Variants in ZFHX3 observed in about 807,000 individuals in gnomAD.
ZFHX3 encodes zinc finger homeobox protein 3.
ZFHX3 carries 42 observed loss-of-function variants against 279.1 expected under a neutral mutation model. The ratio of observed to expected loss-of-function variants is 0.15; its 90% CI spans 0.12 to 0.19. ZFHX3 has a LOEUF of 0.19. Ranked by LOEUF, ZFHX3 falls within the 10% of genes least tolerant of loss-of-function variation. The pLI is 1.00. For synonymous variants in ZFHX3, 2,293 were observed against 1,957.8 expected (o/e 1.17, Z -4.52); for missense variants, 4,981 against 4,754.0 (o/e 1.05, Z -1.40).
At chr16:72,868,103 C>T (rs1037273038) in intron 4 of ZFHX3, among the ~76,000 whole-genome samples, 7 of 152,286 alleles carry the variant, frequency 4.6e-5, no homozygotes, top group Admixed American at 3.3e-4. Context: ...ATCAGCCAAA[C>T]GAGGCTGTCC....
chr16:73,037,089 GA>G (rs1372337109), intron 1 of ZFHX3, among the ~76,000 whole-genome samples: 1 of 152,074 alleles, frequency 6.6e-6, no homozygotes, highest in Non-Finnish European at 1.5e-5. Context: ...AAATACAAGA[GA>G]ACCCCAGATT....
Position 72,788,686 on chromosome 16 carries a change from T to A in ZFHX3, c.9590A>T (p.Gln3197Leu), listed in dbSNP as rs141461385. 4.9e-5 allele frequency: 79 copies of A among 1,609,722 alleles called. No homozygotes were observed. The highest frequency in any genetic ancestry group is 6.5e-5 in the Non-Finnish European group (76 of 1,177,926). ...TGGTTGCTGCTGCTGCTGCTGCTGC[T>A]GGGGGGGTTGCTGAGGGCCCATCGC... The part of the protein sequence containing the change: ...TMAMGPQQPP[Q>L]QQQQQQQPQV... Residue 3197 changes from glutamine (Q) to leucine (L), a missense_variant, in exon 10 of 10, where the codon CAG becomes CTG. Physicochemically the swap from Gln to Leu is moderately radical, Grantham distance 113. This residue lies in a region of ZFHX3 where 1,034 missense variants were observed against 786.0 expected (regional missense o/e 1.32). Coordinates refer to ENST00000268489, the MANE Select transcript of ZFHX3 (RefSeq NM_006885.4).
rs755584646 is a variant in ZFHX3 at position 72,787,548 on chromosome 16, G to A, written c.10728C>T (p.Ala3576=). 1.2e-6 allele frequency: 2 copies of A among 1,614,064 alleles called. No homozygotes were observed. Among genetic ancestry groups the A allele is most frequent in the Non-Finnish European group, 1.7e-6 (2 of 1,179,992 alleles). ...ATGCGGTGCTAGGATCGGGGAAGCA[G>A]GCAGAGTGAGGTAATAAACTAGGGT... ...KEHPSLLPHS[A]CFPDPSTAST... The change falls in exon 10 of 10, where the codon GCC becomes GCT. Residue 3576 remains alanine (A), a synonymous_variant. Transcript: ENST00000268489.
chr16:73,781,315 A>T (rs1597112651), intron 1 of ZFHX3, among the ~76,000 whole-genome samples: 1 of 152,236 alleles, frequency 6.6e-6, no homozygotes, highest in East Asian at 1.9e-4. Flanking sequence ...ATTGTGATTA[A>T]GCAGCTCGAT....
chr16:73,699,574 G>T (rs2053228555), intron 1 of ZFHX3, among the ~76,000 whole-genome samples: 1 of 152,140 alleles, frequency 6.6e-6, no homozygotes, highest in Non-Finnish European at 1.5e-5. Context: ...CTGTATTTAA[G>T]AAAACAAACA....
At chr16:73,443,738 C>G (rs1005837319) in intron 3 of ZFHX3, among the ~76,000 whole-genome samples, 8 of 152,016 alleles carry the variant, frequency 5.3e-5, no homozygotes, top group African/African-American at 1.7e-4. Flanking sequence ...ATATATTTAG[C>G]CAGTTAAGTT....
At chr16:73,789,578 T>G (rs541063801) in intron 1 of ZFHX3, among the ~76,000 whole-genome samples, 9 of 152,170 alleles carry the variant, frequency 5.9e-5, no homozygotes, top group Non-Finnish European at 1.3e-4. Context: ...CTAGAAGGAA[T>G]TGCAAATATT....
chr16:73,598,643 C>A (rs968529312), intron 2 of ZFHX3, among the ~76,000 whole-genome samples: 1 of 152,020 alleles, frequency 6.6e-6, no homozygotes, highest in Non-Finnish European at 1.5e-5. Context: ...TGGTCTCAAA[C>A]TCCTGAGCTC....
intron 1 of ZFHX3, among the ~76,000 whole-genome samples, chr16:73,877,200 G>GT (rs1307259667): frequency 1.6e-4 from 18 of 113,850 alleles, no homozygotes; most frequent in Admixed American, 2.8e-4. Flanking sequence ...GGGGGGTTAG[G>GT]TCGGGGGGGG....
chr16:73,511,177 G>C (rs1345401205), intron 2 of ZFHX3, among the ~76,000 whole-genome samples: 1 of 152,234 alleles, frequency 6.6e-6, no homozygotes, highest in Non-Finnish European at 1.5e-5. Context: ...AAAGAGCTCT[G>C]AGACTGATTT....
chr16:73,580,855 T>G (rs1383065494), intron 2 of ZFHX3, among the ~76,000 whole-genome samples: 3 of 151,906 alleles, frequency 2.0e-5, no homozygotes, highest in African/African-American at 7.3e-5. Context: ...TGTGTTCTTT[T>G]GACATGACCC....
At chr16:73,637,847 T>C (rs1298223016) in intron 2 of ZFHX3, among the ~76,000 whole-genome samples, 1 of 152,138 alleles carries the variant, frequency 6.6e-6, no homozygotes, top group Non-Finnish European at 1.5e-5. Context: ...AATCCCCCAC[T>C]AGAAAATAAG....
At position 73,430,772 on chromosome 16, in the gene ZFHX3, T is replaced by C. The variant is rs2017896065; in HGVS notation, c.-1291+25231A>G. Reference sequence around the variant, plus strand: ...AGGACAATGTCTGGCATGAAGTAAGTGGCCAGTGCATTGAACCAGGTGACA... The same window carrying C: ...AGGACAATGTCTGGCATGAAGTAAGCGGCCAGTGCATTGAACCAGGTGACA... On this transcript the variant is annotated intron_variant, in intron 3 of 17. Transcript: ENST00000641206. Among the ~76,000 whole-genome samples, 4 of 152,186 alleles carry C rather than the reference T, an allele frequency of 2.6e-5. No homozygotes were observed. The South Asian group carries it at 8.3e-4, about 31-fold the overall frequency.
chr16:73,084,616 G>C (rs1215667593), intron 8 of ZFHX3, among the ~76,000 whole-genome samples: 1 of 149,790 alleles, frequency 6.7e-6, no homozygotes, highest in Admixed American at 6.8e-5. Flanking sequence ...CACTTCCCGG[G>C]TTCACACCAT....
intron 1 of ZFHX3, among the ~76,000 whole-genome samples, chr16:73,841,598 G>T (rs1392948840): frequency 6.6e-6 from 1 of 152,032 alleles, no homozygotes; most frequent in African/African-American, 2.4e-5. Context: ...CCACAAGAGG[G>T]TCCCCAGTGC....
intron 1 of ZFHX3, among the ~76,000 whole-genome samples, chr16:73,779,160 G>A (rs1446885355): frequency 2.0e-5 from 3 of 152,130 alleles, no homozygotes; most frequent in Non-Finnish European, 4.4e-5. Flanking sequence ...TAGCATTCCC[G>A]AGCCTCCCAA....
chr16:73,720,383 A>G (rs1235127484), intron 1 of ZFHX3, among the ~76,000 whole-genome samples: 1 of 152,248 alleles, frequency 6.6e-6, no homozygotes, highest in Non-Finnish European at 1.5e-5. Flanking sequence ...TTATCTCGCT[A>G]TCATTTAAAA....
chr16:73,655,783 A>G (rs2052716194), intron 2 of ZFHX3, among the ~76,000 whole-genome samples: 1 of 152,146 alleles, frequency 6.6e-6, no homozygotes, highest in Non-Finnish European at 1.5e-5. Context: ...CAAAAAAACC[A>G]CCTTGCAAAA....
intron 5 of ZFHX3, among the ~76,000 whole-genome samples, chr16:73,181,169 C>T (rs993207935): frequency 6.6e-6 from 1 of 151,804 alleles, no homozygotes; most frequent in African/African-American, 2.4e-5. Context: ...GGTATAATCT[C>T]GGCTCACTGC....
Sources: gnomAD v4.1 joint callset for allele counts (sites outside exome capture counted in the v4.1 genomes callset) on GRCh38, gnomAD v4.1.1 for gene constraint, gnomAD v4.1.1 regional missense constraint, MANE v1.5 for transcripts, NCBI Gene and HGNC (gene_info 2026-07-23, HGNC 2026-07-21) for gene names.